Variants in TMTC1 observed in about 807,000 individuals in gnomAD.
TMTC1 encodes protein O-mannosyl-transferase TMTC1.
In TMTC1, 73 loss-of-function variants were observed where a neutral mutation model predicts 104.8. The observed-to-expected ratio is 0.70, with a 90% confidence interval of 0.58 to 0.85. TMTC1 has a LOEUF of 0.85. Ranked by LOEUF, TMTC1 falls within the 40% of genes least tolerant of loss-of-function variation. TMTC1 has a pLI of 0.00. For missense variants in TMTC1, 1,035 were observed against 1,096.1 expected (o/e 0.94, Z 0.79); for synonymous variants, 434 against 428.7 (o/e 1.01, Z -0.15).
At chr12:29,687,507 A>T (rs187610819) in intron 5 of TMTC1, among the ~76,000 whole-genome samples, 32 of 152,322 alleles carry the variant, frequency 2.1e-4, no homozygotes, top group African/African-American at 7.7e-4. Context: ...TTAACACATG[A>T]TCTGGGATGT....
chr12:29,576,390 CT>C (rs1250633898), intron 8 of TMTC1, among the ~76,000 whole-genome samples: 1 of 152,088 alleles, frequency 6.6e-6, no homozygotes, highest in Non-Finnish European at 1.5e-5. Context: ...ACCTGAGTGT[CT>C]ATGGACAGAT....
intron 5 of TMTC1, among the ~76,000 whole-genome samples, chr12:29,736,261 CAAAAAAAAAAAAAAAAAAAGGA>C (rs1942671454): frequency 1.1e-5 from 1 of 88,572 alleles, no homozygotes; most frequent in Non-Finnish European, 2.4e-5. Flanking sequence ...TAGGTAAAGC[CAAAAAAAAAAAAAAAAAAAGGA>C]CCGGAAAAAG....
chr12:29,570,860 CA>C (rs1389175935), intron 9 of TMTC1, among the ~76,000 whole-genome samples: 1 of 111,798 alleles, frequency 8.9e-6, no homozygotes, highest in African/African-American at 3.3e-5. Flanking sequence ...CAAAACAAAA[CA>C]AAACAAAAAA....
intron 5 of TMTC1, among the ~76,000 whole-genome samples, chr12:29,722,102 C>A (rs1218529238): frequency 1.3e-5 from 2 of 152,108 alleles, no homozygotes; most frequent in East Asian, 1.9e-4. Context: ...GAGAAAAAGG[C>A]AAATAATATC....
chr12:29,547,935 A>G (rs1944983666), intron 10 of TMTC1, among the ~76,000 whole-genome samples: 1 of 152,262 alleles, frequency 6.6e-6, no homozygotes, highest in African/African-American at 2.4e-5. Context: ...CAACAGTGTC[A>G]TATTCTTCAC....
chr12:29,569,043 T>A (rs1945595357), intron 9 of TMTC1: 1 of 454,004 alleles, frequency 2.2e-6, no homozygotes, highest in African/African-American at 2.0e-5. Flanking sequence ...TAACACTTGA[T>A]GTTTGTTGAG....
chr12:29,671,374 A>G (rs928868649), intron 5 of TMTC1, among the ~76,000 whole-genome samples: 1 of 152,248 alleles, frequency 6.6e-6, no homozygotes, highest in African/African-American at 2.4e-5. Context: ...TATCACTACA[A>G]AAAAAGTCAA....
At chr12:29,517,653 G>C in intron 13 of TMTC1, 82 bp from the exon 14 acceptor site, 1 of 1,530,924 alleles carries the variant, frequency 6.5e-7, no homozygotes, top group Non-Finnish European at 9.0e-7. Context: ...TAGGGAAGAC[G>C]GTCCATGGTT....
chr12:29,541,939 G>A (rs1592202119), intron 10 of TMTC1, among the ~76,000 whole-genome samples: 1 of 152,102 alleles, frequency 6.6e-6, no homozygotes, highest in South Asian at 2.1e-4. Flanking sequence ...TTACAGGCAT[G>A]AGCCACCTCA....
intron 9 of TMTC1, among the ~76,000 whole-genome samples, chr12:29,561,519 T>C (rs1945377416): frequency 6.6e-6 from 1 of 152,190 alleles, no homozygotes; most frequent in Non-Finnish European, 1.5e-5. Context: ...TGGAAAGCTA[T>C]TTGGGATTAA....
chr12:29,676,090 C>A (rs1371333580), intron 5 of TMTC1, among the ~76,000 whole-genome samples: 1 of 152,216 alleles, frequency 6.6e-6, no homozygotes, highest in Non-Finnish European at 1.5e-5. Context: ...AGGATGGACA[C>A]AATAGTGCCT....
At chr12:29,775,551 G>T (rs528988640) in intron 1 of TMTC1, among the ~76,000 whole-genome samples, 24 of 152,240 alleles carry the variant, frequency 1.6e-4, no homozygotes, top group African/African-American at 5.8e-4. Flanking sequence ...ACGGGACAAG[G>T]TCCAGGAGGG....
At position 29,506,905 on chromosome 12, in the gene TMTC1, C is replaced by G. The variant is rs1943706865; in HGVS notation, c.2590G>C (p.Ala864Pro). The change falls in exon 18 of 18, where the codon GCC becomes CCC. Residue 864 changes from alanine to proline, a missense_variant. Ala to Pro is a conservative substitution (Grantham distance 27). Transcript: ENST00000539277. The stretch of plus-strand genomic sequence containing the variant: ...CGTTTTTCTAGGCGATCCAATTTGG[C>G]AAGATTTTCCTTCAGCAGTTTGCTG... ...PDSKLLKENL[A>P]KLDRLEKRLQ... 1 of 1,614,108 alleles carries G rather than the reference C, an allele frequency of 6.2e-7. No homozygotes were observed. Among genetic ancestry groups the G allele is most frequent in the South Asian group, 1.1e-5 (1 of 91,084 alleles).
chr12:29,768,811 A>G (rs951751131), intron 1 of TMTC1, among the ~76,000 whole-genome samples: 6 of 152,196 alleles, frequency 3.9e-5, no homozygotes, highest in African/African-American at 1.4e-4. Context: ...AAGAAAACCA[A>G]TTGCTCAACA....
intron 15 of TMTC1, among the ~76,000 whole-genome samples, chr12:29,514,939 T>C (rs1208178176): frequency 2.0e-5 from 3 of 152,026 alleles, no homozygotes; most frequent in Non-Finnish European, 2.9e-5. Flanking sequence ...TCTTGAGCCC[T>C]GGGAGGTGGA....
chr12:29,633,310 G>A lies in TMTC1; in HGVS notation c.965C>T (p.Ala322Val). 6 of 1,613,070 alleles carry A rather than the reference G, an allele frequency of 3.7e-6. No homozygotes were observed. Among genetic ancestry groups the A allele is most frequent in the Non-Finnish European group, 5.1e-6 (6 of 1,179,386 alleles). ...TGCAAGCAGAAGCCACACATTGAAG[G>A]CCAAGAGGTAGGAATAGGTGAGGAA... is the stretch of plus-strand genomic sequence containing the variant. ...MRFLTYSYLL[A>V]FNVWLLLAPV... The change falls in exon 6 of 18, where the codon GCC (alanine) becomes GTC (valine). Residue 322 changes from alanine (A) to valine (V), a missense_variant. Transcript: ENST00000539277.
At chr12:29,777,920 A>G (rs551933613) in intron 1 of TMTC1, among the ~76,000 whole-genome samples, 30 of 152,352 alleles carry the variant, frequency 2.0e-4, no homozygotes, top group Non-Finnish European at 3.7e-4. Flanking sequence ...AGGAATAGAA[A>G]CAAAAGAAAC....
At chr12:29,597,713 G>A (rs1352377383) in intron 7 of TMTC1, among the ~76,000 whole-genome samples, 1 of 151,910 alleles carries the variant, frequency 6.6e-6, no homozygotes, top group Non-Finnish European at 1.5e-5. Context: ...TCACAAAACA[G>A]TTAAAATTTG....
intron 4 of TMTC1, among the ~76,000 whole-genome samples, chr12:29,753,950 T>TCCGA (rs1191283250): frequency 1.3e-5 from 2 of 152,246 alleles, no homozygotes; most frequent in African/African-American, 4.8e-5. Context: ...CACTGCAATG[T>TCCGA]CCGACTCCCT....
Sources: gnomAD v4.1 joint callset for allele counts (sites outside exome capture counted in the v4.1 genomes callset) on GRCh38, gnomAD v4.1.1 for gene constraint, MANE v1.5 for transcripts, NCBI Gene and HGNC (gene_info 2026-07-23, HGNC 2026-07-21) for gene names.